OPRM1: variants seen among roughly 807,000 people sequenced by gnomAD.
OPRM1 encodes the protein opioid receptor mu 1, also known as mu-type opioid receptor.
In OPRM1, 27 loss-of-function variants were observed where a neutral mutation model predicts 31.8. The ratio of observed to expected loss-of-function variants is 0.85; its 90% CI spans 0.63 to 1.17. The LOEUF is 1.17. Among genes scored for constraint, OPRM1 ranks in the 50% most tolerant of loss-of-function variants. OPRM1 has a pLI of 0.00. For synonymous variants in OPRM1, 196 were observed against 189.9 expected, an observed-to-expected ratio of 1.03 and a Z score of -0.26; for missense variants, 536 against 511.1, an observed-to-expected ratio of 1.05 and a Z score of -0.47.
chr6:154,144,471 G>A (rs1198223514), intron 3 of OPRM1, among the ~76,000 whole-genome samples: 2 of 152,160 alleles, frequency 1.3e-5, no homozygotes, highest in African/African-American at 2.4e-5. Context: ...CACGGGCCGG[G>A]CATGGTGGCT....
At chr6:154,221,475 C>G in intron 3 of OPRM1, 1 of 661,668 alleles carries the variant, frequency 1.5e-6, no homozygotes, top group Non-Finnish European at 2.6e-6. Flanking sequence ...TATTAGATAC[C>G]TATTGTCTAG....
intron 3 of OPRM1, among the ~76,000 whole-genome samples, chr6:154,147,010 C>T (rs1255643781): frequency 1.3e-5 from 2 of 152,106 alleles, no homozygotes; most frequent in Admixed American, 6.5e-5. Context: ...GCTGGTTCTA[C>T]CTTAAGGGAA....
upstream of OPRM1, among the ~76,000 whole-genome samples, chr6:154,036,776 A>T (rs1351988509): frequency 2.0e-5 from 3 of 151,892 alleles, no homozygotes; most frequent in Admixed American, 6.6e-5. Flanking sequence ...CATATATTTT[A>T]TGCCATTATC....
At chr6:154,207,566 T>TC (rs1290807490) in intron 3 of OPRM1, among the ~76,000 whole-genome samples, 2 of 148,842 alleles carry the variant, frequency 1.3e-5, no homozygotes, top group Non-Finnish European at 3.0e-5. Flanking sequence ...GGGGTTTTTT[T>TC]TGTTTTTTTG....
chr6:154,074,033 T>G (rs1013482135), intron 1 of OPRM1: 1 of 152,172 alleles, frequency 6.6e-6, no homozygotes. Context: ...CATCTTCAGA[T>G]AGATAAAAGA....
chr6:154,106,612 G>T (rs1795611819), intron 3 of OPRM1, among the ~76,000 whole-genome samples: 1 of 152,122 alleles, frequency 6.6e-6, no homozygotes, highest in Non-Finnish European at 1.5e-5. Flanking sequence ...GGCATTTTTG[G>T]ACTTTCTGAC....
intron 3 of OPRM1, among the ~76,000 whole-genome samples, chr6:154,232,029 T>C (rs1002262051): frequency 1.3e-5 from 2 of 152,206 alleles, no homozygotes; most frequent in African/African-American, 4.8e-5. Flanking sequence ...GTTATTATCA[T>C]TTTTACATAG....
At chr6:154,036,996 A>T (rs1044220561), upstream of OPRM1, among the ~76,000 whole-genome samples, 2 of 151,936 alleles carry the variant, frequency 1.3e-5, no homozygotes, top group African/African-American at 2.4e-5. Context: ...AAAGTATATT[A>T]AAAAATGCAT....
At chr6:154,097,940 T>C (rs1793688292) in intron 3 of OPRM1, among the ~76,000 whole-genome samples, 2 of 152,162 alleles carry the variant, frequency 1.3e-5, no homozygotes, top group Admixed American at 6.5e-5. Flanking sequence ...TAAAATGTAG[T>C]GGCTGAGGGT....
intron 3 of OPRM1, among the ~76,000 whole-genome samples, chr6:154,169,098 C>T (rs1474544693): frequency 5.3e-5 from 8 of 151,500 alleles, no homozygotes; most frequent in East Asian, 2.0e-4. Flanking sequence ...TGGTGGCTCA[C>T]GCCTGTAATC....
intron 3 of OPRM1, among the ~76,000 whole-genome samples, chr6:154,148,677 C>A (rs748088794): frequency 2.6e-5 from 4 of 152,216 alleles, no homozygotes; most frequent in Non-Finnish European, 5.9e-5. Flanking sequence ...CTCCCCCAGA[C>A]CTCCTTGTCC....
intron 1 of OPRM1, chr6:154,011,116 C>T: frequency 9.3e-7 from 1 of 1,071,836 alleles, no homozygotes; most frequent in Non-Finnish European, 1.3e-6. Context: ...CTCTTAAATG[C>T]TATACATTCT....
At chr6:154,090,309 C>A in intron 2 of OPRM1, 131 bp downstream of exon 2, 1 of 646,078 alleles carries the variant, frequency 1.5e-6, no homozygotes, top group South Asian at 2.1e-5. Context: ...TTCTTCCTAG[C>A]AAAAAAAGCC....
chr6:154,039,703 C>T lies in OPRM1; in HGVS notation c.159C>T (p.Gly53=), dbSNP rs1779636924. The T allele has an allele frequency of 1.9e-6, 3 of 1,613,388 alleles. No individual in the cohort carries two copies. The highest frequency in any genetic ancestry group is 1.3e-5 in the African/African-American group (1 of 74,940). The change falls in exon 1 of 4, where the codon GGC becomes GGT. Residue 53 remains glycine, a synonymous_variant. Coordinates refer to ENST00000330432, the MANE Select transcript of OPRM1 (RefSeq NM_000914.5). ...DPCGPNRTDL[G]GRDSLCPPTG... ...GCGGTCCGAACCGCACCGACCTGGG[C>T]GGGAGAGACAGCCTGTGCCCTCCGA... is the stretch of plus-strand genomic sequence containing the variant.
chr6:154,017,544 T>G (rs991017380), intron 1 of OPRM1, among the ~76,000 whole-genome samples: 1 of 152,132 alleles, frequency 6.6e-6, no homozygotes, highest in Non-Finnish European at 1.5e-5. Context: ...TACAGAGACT[T>G]AGGACAGAAC....
chr6:154,208,052 A>G (rs1156741093), intron 3 of OPRM1, among the ~76,000 whole-genome samples: 1 of 152,000 alleles, frequency 6.6e-6, no homozygotes, highest in African/African-American at 2.4e-5. Context: ...CCTACCTCCC[A>G]CTTCCCAGTG....
At chr6:154,221,355 T>C (rs1476082707) in intron 3 of OPRM1, 2 of 1,589,034 alleles carry the variant, frequency 1.3e-6, no homozygotes, top group East Asian at 2.2e-5. Context: ...CACAAACACA[T>C]AAAAAATTAG....
chr6:154,055,367 G>A (rs1032579255), intron 1 of OPRM1, among the ~76,000 whole-genome samples: 1 of 151,290 alleles, frequency 6.6e-6, no homozygotes, highest in Non-Finnish European at 1.5e-5. Flanking sequence ...CAGTCTGGGT[G>A]ACAGAGTGAA....
intron 1 of OPRM1, among the ~76,000 whole-genome samples, chr6:154,053,370 G>A (rs1175422187): frequency 6.6e-6 from 1 of 152,174 alleles, no homozygotes; most frequent in Non-Finnish European, 1.5e-5. Flanking sequence ...GATAGTGAGT[G>A]GCAGCTTCAA....
Sources: gnomAD v4.1 joint callset for allele counts (sites outside exome capture counted in the v4.1 genomes callset) on GRCh38, gnomAD v4.1.1 for gene constraint, MANE v1.5 for transcripts, NCBI Gene and HGNC (gene_info 2026-07-23, HGNC 2026-07-21) for gene names.